RASGEF1A: variants seen among roughly 807,000 people sequenced by gnomAD.
The protein encoded by RASGEF1A is ras-GEF domain-containing family member 1A.
Under a neutral mutation model 56.4 loss-of-function variants are expected in RASGEF1A, and 18 were observed. The ratio of observed to expected loss-of-function variants is 0.32; its 90% CI spans 0.22 to 0.47. RASGEF1A has a LOEUF of 0.47. Ranked by LOEUF, RASGEF1A falls within the 20% of genes least tolerant of loss-of-function variation. The pLI, the probability that RASGEF1A is intolerant of heterozygous loss-of-function variation, is 1.00. For synonymous variants in RASGEF1A, 245 were observed against 242.6 expected (o/e 1.01, Z -0.09); for missense variants, 422 against 627.1 (o/e 0.67, Z 3.49).
chr10:43,243,828 G>A (rs1212130746), intron 1 of RASGEF1A, among the ~76,000 whole-genome samples: 3 of 152,144 alleles, frequency 2.0e-5, no homozygotes. Flanking sequence ...CCCAGCCTGG[G>A]AAGTGAGGAG....
intron 1 of RASGEF1A, among the ~76,000 whole-genome samples, chr10:43,235,814 A>G (rs529802752): frequency 6.6e-6 from 1 of 152,144 alleles, no homozygotes; most frequent in Admixed American, 6.5e-5. Flanking sequence ...CATGCCCAGC[A>G]CAATGGGACC....
intron 2 of RASGEF1A, chr10:43,203,916 G>A (rs547452107): frequency 1.1e-5 from 4 of 356,898 alleles, no homozygotes; most frequent in Non-Finnish European, 1.2e-5. Flanking sequence ...AGCAGGGGCG[G>A]GGCCCCATCA....
At chr10:43,253,614 C>A (rs2503854) in intron 1 of RASGEF1A, among the ~76,000 whole-genome samples, 110,654 of 152,210 alleles carry the variant, frequency 0.73, 40,647 homozygotes, top group East Asian at 0.95. Flanking sequence ...TGGCTCGGAG[C>A]TGTAGGGAGC....
chr10:43,257,386 C>T (rs1045135746), intron 1 of RASGEF1A, among the ~76,000 whole-genome samples: 2 of 152,230 alleles, frequency 1.3e-5, no homozygotes, highest in Non-Finnish European at 2.9e-5. Flanking sequence ...GGGGCCTTGC[C>T]CAGCGAGTCC....
chr10:43,214,328 G>A (rs916517211), intron 1 of RASGEF1A, among the ~76,000 whole-genome samples: 3 of 152,242 alleles, frequency 2.0e-5, no homozygotes, highest in East Asian at 1.9e-4. Context: ...GTCCTGCACT[G>A]AGGATGCCCA....
intron 1 of RASGEF1A, among the ~76,000 whole-genome samples, chr10:43,215,322 T>C (rs1435434643): frequency 6.6e-6 from 1 of 152,154 alleles, no homozygotes; most frequent in African/African-American, 2.4e-5. Context: ...TTCTATTTTT[T>C]AACCTACTCA....
intron 1 of RASGEF1A, among the ~76,000 whole-genome samples, chr10:43,264,661 GGTCC>G (rs1365630279): frequency 2.0e-5 from 3 of 151,170 alleles, no homozygotes; most frequent in Non-Finnish European, 3.0e-5. Context: ...GGGGAGGGAG[GGTCC>G]GTCAAGGGGC....
intron 1 of RASGEF1A, among the ~76,000 whole-genome samples, chr10:43,261,609 T>A (rs1836530037): frequency 6.6e-6 from 1 of 152,132 alleles, no homozygotes; most frequent in Non-Finnish European, 1.5e-5. Context: ...ACTCCCAACC[T>A]CATCCAAGCC....
At chr10:43,202,506 G>A (rs1371395447) in intron 3 of RASGEF1A, among the ~76,000 whole-genome samples, 4 of 152,038 alleles carry the variant, frequency 2.6e-5, no homozygotes, top group Admixed American at 2.6e-4. Context: ...CCCGGGGAGA[G>A]GGGACTGTGC....
At chr10:43,203,577 C>T in intron 2 of RASGEF1A, 157 bp from the exon 3 acceptor site, 2 of 1,302,786 alleles carry the variant, frequency 1.5e-6, no homozygotes, top group Non-Finnish European at 2.0e-6. Context: ...CTTGCAGGCC[C>T]TTCCTCCTCT....
intron 1 of RASGEF1A, among the ~76,000 whole-genome samples, chr10:43,246,386 TTTG>T (rs919340011): frequency 2.0e-5 from 3 of 152,244 alleles, no homozygotes; most frequent in South Asian, 4.1e-4. Flanking sequence ...CTAGCTGGCT[TTTG>T]TTGTTGTTGT....
chr10:43,258,814 G>A (rs997223015), intron 1 of RASGEF1A, among the ~76,000 whole-genome samples: 4 of 152,246 alleles, frequency 2.6e-5, no homozygotes, highest in African/African-American at 9.6e-5. Context: ...CACCTGGGCT[G>A]GCCCTCCTGG....
chr10:43,210,786 A>G (rs1840055503), intron 1 of RASGEF1A, among the ~76,000 whole-genome samples: 1 of 152,140 alleles, frequency 6.6e-6, no homozygotes, highest in Admixed American at 6.5e-5. Flanking sequence ...AGTGTGCCAG[A>G]CCAGTCTCTG....
rs1839772986 is a variant in RASGEF1A, at chr10:43,194,843, T to G, written c.*1401A>C. On this transcript the variant is annotated 3_prime_UTR_variant, in exon 13 of 13. Transcript: ENST00000395810. Reference sequence around the variant, plus strand: ...TAAACAAAGCAATATGTACTATCAATATACAATCTGTACTAGCTAGAACCT... The same window carrying G: ...TAAACAAAGCAATATGTACTATCAAGATACAATCTGTACTAGCTAGAACCT... The G allele has an allele frequency of 6.6e-6, 1 of 152,666 alleles. No individual in the cohort carries two copies. The highest frequency in any genetic ancestry group is 1.5e-5 in the Non-Finnish European group (1 of 68,058). 9.5% of individuals were successfully genotyped at this position (152,666 alleles called of 1,614,324 possible). A position where few individuals can be genotyped will look rare whatever the true frequency, so the allele number is the denominator to read the frequency against.
At chr10:43,246,731 C>T (rs1426778525) in intron 1 of RASGEF1A, among the ~76,000 whole-genome samples, 1 of 152,188 alleles carries the variant, frequency 6.6e-6, no homozygotes, top group Non-Finnish European at 1.5e-5. Context: ...CAAAGGAACA[C>T]ATTTGGATTT....
intron 1 of RASGEF1A, among the ~76,000 whole-genome samples, chr10:43,235,949 C>G (rs1333362325): frequency 1.3e-5 from 2 of 152,090 alleles, no homozygotes; most frequent in African/African-American, 2.4e-5. Context: ...TCACAAGGCT[C>G]TGGATACCCA....
At chr10:43,266,331 C>G (rs112501789) in intron 1 of RASGEF1A, among the ~76,000 whole-genome samples, 1 of 152,194 alleles carries the variant, frequency 6.6e-6, no homozygotes, top group Non-Finnish European at 1.5e-5. Flanking sequence ...TGGACCTCTC[C>G]CCCAAATGCA....
At chr10:43,199,989 C>T (rs1839867352) in intron 6 of RASGEF1A, among the ~76,000 whole-genome samples, 193 bp downstream of exon 6, 1 of 152,270 alleles carries the variant, frequency 6.6e-6, no homozygotes, top group Admixed American at 6.5e-5. Context: ...ATGACCAGCA[C>T]AGCCATCTTG....
At chr10:43,207,448 C>A in intron 1 of RASGEF1A, 1 of 932,324 alleles carries the variant, frequency 1.1e-6, no homozygotes, top group South Asian at 4.9e-5. Context: ...ACACACAGCA[C>A]GTCCCTGTCC....
Sources: gnomAD v4.1 joint callset for allele counts (sites outside exome capture counted in the v4.1 genomes callset) on GRCh38, gnomAD v4.1.1 for gene constraint, MANE v1.5 for transcripts, NCBI Gene and HGNC (gene_info 2026-07-23, HGNC 2026-07-21) for gene names.